The following ELAVL2 variants were observed in gnomAD, a reference collection of about 807,000 sequenced individuals.
ELAVL2 encodes ELAV like RNA binding protein 2, also known as ELAV-like protein 2.
A neutral mutation model predicts 34.6 loss-of-function variants in ELAVL2; 4 were observed. The ratio of observed to expected loss-of-function variants is 0.12; its 90% CI spans 0.06 to 0.26. The LOEUF (loss-of-function observed/expected upper bound fraction) is 0.26. Ranked by LOEUF, ELAVL2 falls within the 10% of genes least tolerant of loss-of-function variation. ELAVL2 has a pLI of 1.00. For missense variants in ELAVL2, 432 were observed against 442.8 expected (o/e 0.98, Z 0.22); for synonymous variants, 193 against 154.8 (o/e 1.25, Z -1.83).
chr9:23,765,158 A>G, intron 1 of ELAVL2: 1 of 1,482,996 alleles, frequency 6.7e-7, no homozygotes, highest in South Asian at 1.2e-5. Flanking sequence ...GCAACAAATC[A>G]GTTTGTACAA....
intron 2 of ELAVL2, among the ~76,000 whole-genome samples, chr9:23,738,443 A>T (rs1276517737): frequency 6.6e-6 from 1 of 152,202 alleles, no homozygotes; most frequent in East Asian, 1.9e-4. Flanking sequence ...TCAAATTGTG[A>T]GATGGAGGAC....
chr9:23,795,933 C>G (rs558255766), intron 1 of ELAVL2, among the ~76,000 whole-genome samples: 31 of 152,244 alleles, frequency 2.0e-4, no homozygotes, highest in African/African-American at 7.0e-4. Flanking sequence ...TCTTACAAAC[C>G]GGGGGAAAAA....
chr9:23,766,375 C>A (rs2056259765), intron 1 of ELAVL2, among the ~76,000 whole-genome samples: 1 of 152,028 alleles, frequency 6.6e-6, no homozygotes, highest in African/African-American at 2.4e-5. Flanking sequence ...TCATAAGAAC[C>A]CAACTGTAGT....
intron 1 of ELAVL2, among the ~76,000 whole-genome samples, chr9:23,764,286 T>A (rs191690536): frequency 5.9e-5 from 9 of 152,172 alleles, no homozygotes. Context: ...AAATACAAAG[T>A]GTTCATTGAC....
chr9:23,831,086 A>ATAT (rs760699228), upstream of ELAVL2, among the ~76,000 whole-genome samples: 54 of 152,246 alleles, frequency 3.5e-4, no homozygotes, highest in Non-Finnish European at 5.7e-4. Context: ...GTCTCAGCTG[A>ATAT]TAGTAATCAG....
At position 23,809,369 on chromosome 9, in the gene ELAVL2, A is replaced by G. The variant is rs1310599522; in HGVS notation, c.-16+16437T>C. On this transcript the variant is annotated intron_variant, in intron 1 of 6. Transcript: ENST00000397312. The stretch of plus-strand genomic sequence containing the variant: ...GCTATTTCAGCTTCTCAATTCTAAG[A>G]CATTTGGACTGAAAGATGCACCCAC... Among the ~76,000 whole-genome samples, 3 of 152,280 alleles carry G rather than the reference A, an allele frequency of 2.0e-5. No homozygotes were observed. The East Asian group carries it at 5.8e-4, about 29-fold the overall frequency.
intron 1 of ELAVL2, among the ~76,000 whole-genome samples, chr9:23,776,391 ATC>A: frequency 6.6e-6 from 1 of 152,156 alleles, no homozygotes; most frequent in East Asian, 1.9e-4. Flanking sequence ...AAATAAGCCA[ATC>A]TCATCACCAA....
chr9:23,704,784 G>A, intron 4 of ELAVL2, 134 bp downstream of exon 4: 1 of 1,155,676 alleles, frequency 8.7e-7, no homozygotes, highest in South Asian at 1.6e-5. Flanking sequence ...AATTCCAGCA[G>A]AAAATTGCAT....
chr9:23,759,805 C>A (rs1217614008), intron 2 of ELAVL2, among the ~76,000 whole-genome samples: 3 of 106,280 alleles, frequency 2.8e-5, no homozygotes, highest in Non-Finnish European at 5.7e-5. Context: ...ATAGAAACGT[C>A]TTACATCTTT....
intron 1 of ELAVL2, among the ~76,000 whole-genome samples, chr9:23,806,901 A>G (rs1231826773): frequency 6.6e-6 from 1 of 152,168 alleles, no homozygotes; most frequent in Non-Finnish European, 1.5e-5. Context: ...CTCCTGAACT[A>G]AAACTTGGTT....
chr9:23,691,477 A>G lies in ELAVL2; in HGVS notation c.*1080T>C, dbSNP rs748328829. 7.9e-5 allele frequency: 12 copies of G among 152,504 alleles called. No individual in the cohort carries two copies. The highest frequency in any genetic ancestry group is 1.2e-4 in the Non-Finnish European group (8 of 67,994). 9.4% of individuals were successfully genotyped at this position (152,504 alleles called of 1,614,324 possible). ...TACTGCAAGTACATCACTAAACACC[A>G]TGAGCTCTATCTGAAGGGATTTCTT... On this transcript the variant is annotated 3_prime_UTR_variant, in exon 7 of 7. Coordinates refer to ENST00000397312, the MANE Select transcript of ELAVL2 (RefSeq NM_004432.5).
At chr9:23,724,976 C>G (rs2044700836) in intron 3 of ELAVL2, among the ~76,000 whole-genome samples, 4 of 151,992 alleles carry the variant, frequency 2.6e-5, no homozygotes, top group Admixed American at 6.6e-5. Flanking sequence ...CTAAATTTTC[C>G]AAATCTGCTC....
chr9:23,746,518 C>G (rs542658487), intron 2 of ELAVL2, among the ~76,000 whole-genome samples: 18 of 152,188 alleles, frequency 1.2e-4, no homozygotes, highest in Non-Finnish European at 2.5e-4. Context: ...ACCCCCACCT[C>G]AGAACAGAGA....
At chr9:23,730,928 G>A in intron 3 of ELAVL2, 94 bp downstream of exon 3, 2 of 1,178,326 alleles carry the variant, frequency 1.7e-6, no homozygotes, top group Non-Finnish European at 1.2e-6. Context: ...CTGTTTATAT[G>A]GGCCCAAAAG....
chr9:23,785,419 G>C (rs2059563505), intron 1 of ELAVL2, among the ~76,000 whole-genome samples: 1 of 152,288 alleles, frequency 6.6e-6, no homozygotes, highest in African/African-American at 2.4e-5. Context: ...TTAACTTAGT[G>C]TCCTGGAGGA....
intron 5 of ELAVL2, among the ~76,000 whole-genome samples, chr9:23,696,392 C>A (rs748591781): frequency 6.6e-6 from 1 of 152,208 alleles, no homozygotes; most frequent in Non-Finnish European, 1.5e-5. Flanking sequence ...TGCAGCAGCT[C>A]AAACACAAGG....
At chr9:23,806,735 G>T (rs2062275429) in intron 1 of ELAVL2, among the ~76,000 whole-genome samples, 1 of 152,128 alleles carries the variant, frequency 6.6e-6, no homozygotes, top group African/African-American at 2.4e-5. Context: ...TTTAAGTTGT[G>T]CCCTGAAAAT....
At chr9:23,704,825 C>T (rs1008957629) in intron 4 of ELAVL2, 93 bp downstream of exon 4, 31 of 1,520,504 alleles carry the variant, frequency 2.0e-5, no homozygotes, top group Admixed American at 3.8e-5. Flanking sequence ...TTGATATGTT[C>T]TAGAAGCAAG....
chr9:23,694,888 G>A (rs1225041588), intron 5 of ELAVL2, among the ~76,000 whole-genome samples: 4 of 152,062 alleles, frequency 2.6e-5, no homozygotes, highest in Admixed American at 6.5e-5. Flanking sequence ...GTGTGTGTGC[G>A]TGCCTTGACC....
Sources: gnomAD v4.1 joint callset for allele counts (sites outside exome capture counted in the v4.1 genomes callset) on GRCh38, gnomAD v4.1.1 for gene constraint, MANE v1.5 for transcripts, NCBI Gene and HGNC (gene_info 2026-07-23, HGNC 2026-07-21) for gene names.